The following MGAT4D variants were observed in gnomAD, a reference collection of about 807,000 sequenced individuals.
MGAT4D encodes the protein alpha-1,3-mannosyl-glycoprotein 4-beta-N-acetylglucosaminyltransferase-like protein MGAT4D.
MGAT4D carries 34 observed loss-of-function variants against 15.9 expected under a neutral mutation model. The ratio of observed to expected loss-of-function variants is 2.14; its 90% confidence interval spans 1.62 to 2.84. MGAT4D has a LOEUF of 2.84. Among genes scored for constraint, MGAT4D ranks in the 30% most tolerant of loss-of-function variants. The pLI is 0.00. For missense variants in MGAT4D, 327 were observed against 140.2 expected, an observed-to-expected ratio of 2.33 and a Z score of -6.73; for synonymous variants, 112 against 48.2, an observed-to-expected ratio of 2.33 and a Z score of -5.49.
At chr4:140,482,079 T>C (rs75136628) in intron 2 of MGAT4D, among the ~76,000 whole-genome samples, 24,432 of 152,042 alleles carry the variant, frequency 0.16, 2,286 homozygotes, top group East Asian at 0.41. Context: ...AGGTTTCTGG[T>C]TGCATCTCTT....
At chr4:140,445,492 T>C (rs1208797058) in intron 10 of MGAT4D, among the ~76,000 whole-genome samples, 1 of 152,232 alleles carries the variant, frequency 6.6e-6, no homozygotes, top group Non-Finnish European at 1.5e-5. Flanking sequence ...CTGTTTACTC[T>C]GTTAATAGTT....
At chr4:140,458,100 A>C (rs915997031) in intron 8 of MGAT4D, 18 of 152,212 alleles carry the variant, frequency 1.2e-4, no homozygotes, top group Non-Finnish European at 2.4e-4. Context: ...TAAACCGTAT[A>C]ACCAATCTGT....
rs911812010 is a variant in MGAT4D at position 140,442,637 on chromosome 4, C to G, written c.*799G>C. ...AGCACAAAACCAACACTTTTAAAAA[C>G]AAATGAATATAACATATTTAAAAGG... On this transcript the variant is annotated 3_prime_UTR_variant, in exon 11 of 11. Transcript: ENST00000511113. 6 of 151,944 alleles carry G rather than the reference C, an allele frequency of 3.9e-5. No individual in the cohort carries two copies. Among genetic ancestry groups the G allele is most frequent in the Admixed American group, 3.9e-4 (6 of 15,256 alleles). 9.4% of individuals were successfully genotyped at this position (151,944 alleles called of 1,614,324 possible). A position where few individuals can be genotyped will look rare whatever the true frequency, so the allele number is the denominator to read the frequency against.
chr4:140,444,099 A>C (rs951991009), intron 10 of MGAT4D, among the ~76,000 whole-genome samples: 6 of 152,226 alleles, frequency 3.9e-5, no homozygotes, highest in Non-Finnish European at 8.8e-5. Flanking sequence ...AGAGAATCAT[A>C]AAACTTTAAA....
intron 9 of MGAT4D, among the ~76,000 whole-genome samples, chr4:140,456,021 C>T (rs1456218356): frequency 6.6e-6 from 1 of 152,112 alleles, no homozygotes; most frequent in East Asian, 1.9e-4. Flanking sequence ...CCTATAGTCC[C>T]AGTTACTGAG....
At chr4:140,468,447 A>G (rs1031415165) in intron 5 of MGAT4D, among the ~76,000 whole-genome samples, 1 of 152,162 alleles carries the variant, frequency 6.6e-6, no homozygotes, top group Non-Finnish European at 1.5e-5. Context: ...AAGGCTTACA[A>G]TGATGCGGTC....
intron 10 of MGAT4D, among the ~76,000 whole-genome samples, chr4:140,448,639 T>C (rs1730282546): frequency 6.6e-6 from 1 of 152,238 alleles, no homozygotes; most frequent in Non-Finnish European, 1.5e-5. Context: ...GATTAAGTAT[T>C]AACATTCTCC....
At chr4:140,450,202 T>G (rs1384127838) in intron 10 of MGAT4D, 4 of 264,142 alleles carry the variant, frequency 1.5e-5, no homozygotes, top group Admixed American at 1.1e-4. Context: ...TTTTGTGTGG[T>G]GTGAGGTATC....
chr4:140,498,261 G>A lies in MGAT4D; in HGVS notation c.-39C>T. On this transcript the variant is annotated 5_prime_UTR_variant, in exon 1 of 11. Transcript: ENST00000511113. Reference sequence around the variant, plus strand: ...CTGCGGGAGGCCGGCGGGTGGAGGCGGCGGATAATGCCAGGGACGGGGTTG... The same window carrying A: ...CTGCGGGAGGCCGGCGGGTGGAGGCAGCGGATAATGCCAGGGACGGGGTTG... 1.4e-6 allele frequency: 1 copy of A among 701,262 alleles called. No homozygotes were observed. The highest frequency in any genetic ancestry group is 2.6e-6 in the Non-Finnish European group (1 of 384,012). The allele number at this position is 701,262 out of a possible 1,614,324, so 43.4% of individuals were successfully genotyped here. A position where few individuals can be genotyped will look rare whatever the true frequency, so the allele number is the denominator to read the frequency against.
intron 1 of MGAT4D, among the ~76,000 whole-genome samples, chr4:140,488,633 G>A (rs73856647): frequency 1.3e-3 from 194 of 152,208 alleles, no homozygotes; most frequent in African/African-American, 4.4e-3. Context: ...AGAAGGGAAG[G>A]GCATTCCAGC....
At chr4:140,470,902 T>A (rs1241677029) in intron 5 of MGAT4D, among the ~76,000 whole-genome samples, 2 of 151,712 alleles carry the variant, frequency 1.3e-5, no homozygotes, top group African/African-American at 4.8e-5. Flanking sequence ...TTTTTTTTTT[T>A]GAGACACAGT....
chr4:140,464,941 A>G lies in MGAT4D; in HGVS notation c.641T>C (p.Met214Thr), dbSNP rs1731431973. The change falls in exon 6 of 11, where the codon ATG (methionine) becomes ACG (threonine). Residue 214 changes from methionine (M) to threonine (T), a missense_variant. Met to Thr is a moderately conservative substitution (Grantham distance 81, BLOSUM62 -1). Coordinates refer to ENST00000511113, the MANE Select transcript of MGAT4D (RefSeq NM_001277353.2). Reference sequence around the variant, plus strand: ...CTCAGCTAAGTGCTTGGCATTTAACATGCTTGAGTATAAAAAGGCAGGTAT... The same window carrying G: ...CTCAGCTAAGTGCTTGGCATTTAACGTGCTTGAGTATAAAAAGGCAGGTAT... Reference protein sequence around the residue: ...ISIPAFLYSSMLNAKHLAEAS... With the variant: ...ISIPAFLYSSTLNAKHLAEAS... 1 of 702,920 alleles carries G rather than the reference A, an allele frequency of 1.4e-6. No homozygotes were observed. Among genetic ancestry groups the G allele is most frequent in the Non-Finnish European group, 2.6e-6 (1 of 384,920 alleles). 43.5% of individuals were successfully genotyped at this position (702,920 alleles called of 1,614,324 possible).
chr4:140,446,366 G>A (rs964018667), intron 10 of MGAT4D, among the ~76,000 whole-genome samples: 4 of 152,082 alleles, frequency 2.6e-5, no homozygotes, highest in African/African-American at 9.7e-5. Context: ...GGTCTATTCA[G>A]GGATTCACTT....
Position 140,476,639 on chromosome 4 carries a change from C to A in MGAT4D, c.392-1693G>T, listed in dbSNP as rs546267403. Among the ~76,000 whole-genome samples, 14 of 152,210 alleles carry A rather than the reference C, an allele frequency of 9.2e-5. No homozygotes were observed. The South Asian group carries it at 2.5e-3, about 27-fold the overall frequency. On this transcript the variant is annotated intron_variant, in intron 3 of 10. Coordinates refer to ENST00000511113, the MANE Select transcript of MGAT4D (RefSeq NM_001277353.2). Reference sequence around the variant, plus strand: ...TTAGTGACCTGGTACTGATCTATCCCTTTTTTTCAACTACCCACACTTTTC... The same window carrying A: ...TTAGTGACCTGGTACTGATCTATCCATTTTTTTCAACTACCCACACTTTTC...
intron 1 of MGAT4D, among the ~76,000 whole-genome samples, chr4:140,489,063 G>A (rs1373018276): frequency 6.6e-6 from 1 of 152,164 alleles, no homozygotes; most frequent in Non-Finnish European, 1.5e-5. Flanking sequence ...AGCAATGCAA[G>A]AATGGCCTAC....
At chr4:140,460,119 T>C (rs1042767204) in intron 7 of MGAT4D, among the ~76,000 whole-genome samples, 1 of 152,212 alleles carries the variant, frequency 6.6e-6, no homozygotes, top group African/African-American at 2.4e-5. Context: ...TCTGTTTCTT[T>C]CCTAAATACT....
intron 5 of MGAT4D, among the ~76,000 whole-genome samples, chr4:140,467,031 G>C (rs953375094): frequency 4.6e-5 from 7 of 151,928 alleles, no homozygotes; most frequent in Non-Finnish European, 8.8e-5. Flanking sequence ...TAAAAACTTG[G>C]GGGGAAAGAA....
chr4:140,491,691 G>A (rs765519574), intron 1 of MGAT4D, among the ~76,000 whole-genome samples: 1 of 151,790 alleles, frequency 6.6e-6, no homozygotes, highest in Non-Finnish European at 1.5e-5. Context: ...ATTCAAGCAG[G>A]AGATGGATAT....
intron 9 of MGAT4D, among the ~76,000 whole-genome samples, chr4:140,455,180 G>T (rs895068137): frequency 3.3e-5 from 5 of 151,926 alleles, no homozygotes; most frequent in African/African-American, 1.2e-4. Context: ...ATGAATATGA[G>T]ATCTTTCTTC....
Sources: gnomAD v4.1 joint callset for allele counts (sites outside exome capture counted in the v4.1 genomes callset) on GRCh38, gnomAD v4.1.1 for gene constraint, MANE v1.5 for transcripts, NCBI Gene and HGNC (gene_info 2026-07-23, HGNC 2026-07-21) for gene names.